The following GRIN2A variants were observed in gnomAD, a reference collection of about 807,000 sequenced individuals.
GRIN2A encodes the protein glutamate ionotropic receptor NMDA type subunit 2A.
A neutral mutation model predicts 113.4 loss-of-function variants in GRIN2A; 22 were observed. The observed-to-expected ratio is 0.19, with a 90% CI of 0.14 to 0.28. The LOEUF (loss-of-function observed/expected upper bound fraction) is 0.28, where lower values mean the gene tolerates loss of function less well. GRIN2A is among the 10% of genes least tolerant of loss of function. The pLI is 1.00. For synonymous variants in GRIN2A, 827 were observed against 738.4 expected, an observed-to-expected ratio of 1.12 and a Z score of -1.94; for missense variants, 1,502 against 1,887.0, an observed-to-expected ratio of 0.80 and a Z score of 3.78.
chr16:9,962,761 C>G (rs977153356), intron 2 of GRIN2A, among the ~76,000 whole-genome samples: 3 of 152,072 alleles, frequency 2.0e-5, no homozygotes, highest in Non-Finnish European at 2.9e-5. Flanking sequence ...CCCAGCCATC[C>G]CATTACTGAG....
chr16:9,848,242 G>A (rs959668606), intron 5 of GRIN2A, among the ~76,000 whole-genome samples: 4 of 150,640 alleles, frequency 2.7e-5, no homozygotes, highest in Admixed American at 2.6e-4. Flanking sequence ...TTGAGTCAGA[G>A]TCTCACTCTG....
intron 5 of GRIN2A, among the ~76,000 whole-genome samples, chr16:9,848,450 A>G (rs1398224298): frequency 6.6e-6 from 1 of 151,032 alleles, no homozygotes; most frequent in Non-Finnish European, 1.5e-5. Flanking sequence ...TCCTGACCTC[A>G]AGTAATCTGC....
intron 4 of GRIN2A, among the ~76,000 whole-genome samples, chr16:9,869,521 AT>A (rs2043219610): frequency 6.6e-6 from 1 of 152,136 alleles, no homozygotes; most frequent in African/African-American, 2.4e-5. Context: ...ATCAACTATA[AT>A]TATCTCTTCT....
intron 4 of GRIN2A, among the ~76,000 whole-genome samples, chr16:9,874,671 T>G (rs1298493152): frequency 6.6e-6 from 1 of 152,184 alleles, no homozygotes; most frequent in Non-Finnish European, 1.5e-5. Flanking sequence ...GAATCTAGAC[T>G]TTGCCATATA....
intron 2 of GRIN2A, among the ~76,000 whole-genome samples, chr16:10,129,182 C>T (rs1013844931): frequency 2.0e-5 from 3 of 151,980 alleles, no homozygotes; most frequent in African/African-American, 7.3e-5. Context: ...CTCAAGTGAT[C>T]GTCCTACCTC....
At chr16:9,940,083 T>C (rs1450028491) in intron 2 of GRIN2A, among the ~76,000 whole-genome samples, 2 of 151,896 alleles carry the variant, frequency 1.3e-5, no homozygotes, top group African/African-American at 4.8e-5. Context: ...TGTGTGTGTG[T>C]GTGAAAGGTG....
At chr16:10,163,269 C>G (rs1195524348) in intron 2 of GRIN2A, among the ~76,000 whole-genome samples, 2 of 152,118 alleles carry the variant, frequency 1.3e-5, no homozygotes, top group East Asian at 1.9e-4. Context: ...AATTAACCCA[C>G]AAGAGACAAG....
At chr16:10,040,098 C>CACCA in intron 2 of GRIN2A, among the ~76,000 whole-genome samples, 1 of 152,024 alleles carries the variant, frequency 6.6e-6, no homozygotes, top group South Asian at 2.1e-4. Context: ...CACAAATACA[C>CACCA]TACACACATC....
At chr16:10,166,804 C>T (rs981014624) in intron 2 of GRIN2A, among the ~76,000 whole-genome samples, 3 of 152,124 alleles carry the variant, frequency 2.0e-5, no homozygotes, top group Non-Finnish European at 4.4e-5. Context: ...AAGACCAACC[C>T]CTCCTCTTCC....
intron 2 of GRIN2A, among the ~76,000 whole-genome samples, chr16:10,104,015 T>C (rs2048447872): frequency 6.6e-6 from 1 of 152,226 alleles, no homozygotes; most frequent in Non-Finnish European, 1.5e-5. Context: ...AAGCTCAGTT[T>C]ATCAATGTCC....
Position 9,783,108 on chromosome 16 carries a change from T to C in GRIN2A, c.2357-14019A>G, listed in dbSNP as rs553833369. On this transcript the variant is annotated intron_variant, in intron 11 of 12. Coordinates refer to ENST00000330684, the MANE Select transcript of GRIN2A (RefSeq NM_001134407.3). ...ATGGTTATTAATGATCACCCCCTTCTGATGTCTATATCATCAGTGTATTAT... is the reference window on the plus strand; with the variant it reads ...ATGGTTATTAATGATCACCCCCTTCCGATGTCTATATCATCAGTGTATTAT... Among the ~76,000 whole-genome samples, 168 of 152,242 alleles carry C rather than the reference T, an allele frequency of 1.1e-3. 1 individual carries two copies. The highest frequency in any genetic ancestry group is 2.2e-3 in the Non-Finnish European group (147 of 68,044).
At chr16:9,878,606 T>C (rs1168458787) in intron 4 of GRIN2A, among the ~76,000 whole-genome samples, 1 of 152,110 alleles carries the variant, frequency 6.6e-6, no homozygotes, top group Non-Finnish European at 1.5e-5. Flanking sequence ...ATCAAGAACA[T>C]CACCGTCATC....
chr16:9,797,123 T>G (rs142278362), intron 11 of GRIN2A, among the ~76,000 whole-genome samples: 2 of 152,364 alleles, frequency 1.3e-5, no homozygotes, highest in African/African-American at 4.8e-5. Flanking sequence ...TCTGCCTATT[T>G]TGATATTGCA....
intron 10 of GRIN2A, chr16:9,805,612 G>C (rs2041950802): frequency 6.6e-6 from 1 of 152,178 alleles, no homozygotes; most frequent in African/African-American, 2.4e-5. Context: ...CCGGTCATGG[G>C]ACCTCTCTGA....
intron 2 of GRIN2A, among the ~76,000 whole-genome samples, chr16:9,963,479 T>C (rs939199581): frequency 6.6e-6 from 1 of 152,064 alleles, no homozygotes; most frequent in Admixed American, 6.5e-5. Flanking sequence ...CCTCTCCCTA[T>C]GTTCATGTAT....
At chr16:10,006,031 T>A (rs1179409292) in intron 2 of GRIN2A, among the ~76,000 whole-genome samples, 1 of 152,242 alleles carries the variant, frequency 6.6e-6, no homozygotes, top group Admixed American at 6.5e-5. Flanking sequence ...TCAGTGAAGA[T>A]CTATGTAAGG....
At chr16:9,974,026 C>T (rs2045727616) in intron 2 of GRIN2A, among the ~76,000 whole-genome samples, 1 of 152,138 alleles carries the variant, frequency 6.6e-6, no homozygotes, top group Non-Finnish European at 1.5e-5. Flanking sequence ...GCATAAAAGA[C>T]TCTTCTTTTA....
chr16:9,892,322 G>A (rs933340278), intron 3 of GRIN2A, among the ~76,000 whole-genome samples: 3 of 152,192 alleles, frequency 2.0e-5, no homozygotes, highest in African/African-American at 7.2e-5. Context: ...TGAAGGCTGT[G>A]TAGAGAATAG....
intron 3 of GRIN2A, among the ~76,000 whole-genome samples, chr16:9,902,963 G>A (rs76764324): frequency 1.5e-5 from 1 of 67,464 alleles, no homozygotes; most frequent in Non-Finnish European, 3.1e-5. Context: ...TTTTTTTGGC[G>A]GGGGGGTGGG....
Sources: gnomAD v4.1 joint callset for allele counts (sites outside exome capture counted in the v4.1 genomes callset) on GRCh38, gnomAD v4.1.1 for gene constraint, MANE v1.5 for transcripts, NCBI Gene and HGNC (gene_info 2026-07-23, HGNC 2026-07-21) for gene names.